Variants in SPTBN1 observed in about 807,000 individuals in gnomAD.
The protein encoded by SPTBN1 is spectrin beta chain, non-erythrocytic 1.
A neutral mutation model predicts 266.4 loss-of-function variants in SPTBN1; 32 were observed. That is an observed-to-expected ratio of 0.12 (90% CI 0.09 to 0.16). The LOEUF is 0.16. SPTBN1 is among the 10% of genes least tolerant of loss of function. SPTBN1 has a pLI of 1.00. For missense variants in SPTBN1, 2,296 were observed against 3,067.1 expected (o/e 0.75, Z 5.94); for synonymous variants, 1,336 against 1,162.2 (o/e 1.15, Z -3.04).
chr2:54,632,563 A>C lies in SPTBN1; in HGVS notation c.3565-3A>C. ...CTATGATTTGTTCCTCTTTTTAAAT[A>C]AGGAGTATGTTCTGGCTCACACTGA... is the stretch of plus-strand genomic sequence containing the variant. On this transcript the variant is annotated splice_polypyrimidine_tract_variant and splice_region_variant and intron_variant, in intron 16 of 35. Coordinates refer to ENST00000356805, the MANE Select transcript of SPTBN1 (RefSeq NM_003128.3). 6.2e-7 allele frequency: 1 copy of C among 1,614,118 alleles called. No homozygotes were observed.
In SPTBN1 at chr2:54,580,346, A is replaced by G. The variant is rs533658888; in HGVS notation, c.149-18746A>G. Among the ~76,000 whole-genome samples the G allele has an allele frequency of 2.8e-4, 43 of 152,350 alleles. No individual in the cohort carries two copies. In the South Asian group the frequency reaches 5.4e-3, roughly 19 times the overall value. ...GAACTAAAAAGCATCTGAAACTTTT[A>G]GCAAACCAGTAATATTTAGAGGCTT... On this transcript the variant is annotated intron_variant, in intron 2 of 35. Coordinates refer to ENST00000356805, the MANE Select transcript of SPTBN1 (RefSeq NM_003128.3).
chr2:54,649,157 C>T lies in SPTBN1; in HGVS notation c.5169C>T (p.Ser1723=). Residue 1723 remains serine (S), a synonymous_variant, in exon 25 of 36, where the codon TCC becomes TCT. Coordinates refer to ENST00000356805, the MANE Select transcript of SPTBN1 (RefSeq NM_003128.3). This position sits in a 1 kb window ranked among gnomAD's most constrained non-coding sequence, Gnocchi z 6.7. The part of the protein sequence containing the change: ...WIAEREVVAG[S]HELGQDYEHV... Reference sequence around the variant, plus strand: ...CTGAGAGGGAGGTGGTCGCAGGGTCCCATGAACTGGGACAGGACTATGAGC... The same window carrying T: ...CTGAGAGGGAGGTGGTCGCAGGGTCTCATGAACTGGGACAGGACTATGAGC... 2 of 1,610,842 alleles carry T rather than the reference C, an allele frequency of 1.2e-6. No homozygotes were observed. The highest frequency in any genetic ancestry group is 1.7e-6 in the Non-Finnish European group (2 of 1,177,918).
In SPTBN1 at chr2:54,631,140, G is replaced by A; in HGVS notation, c.3093G>A (p.Gln1031=). 6.2e-7 allele frequency: 1 copy of A among 1,614,228 alleles called. No individual in the cohort carries two copies. The highest frequency in any genetic ancestry group is 8.5e-7 in the Non-Finnish European group (1 of 1,180,048). ...KLESEHPDQA[Q]AILSRLAEIS... ...AGTCCGAGCACCCCGACCAGGCCCA[G>A]GCCATCCTGTCTCGGCTGGCCGAGA... Residue 1031 remains glutamine, a synonymous_variant, in exon 16 of 36, where the codon CAG becomes CAA. Coordinates refer to ENST00000356805, the MANE Select transcript of SPTBN1 (RefSeq NM_003128.3).
intron 2 of SPTBN1, among the ~76,000 whole-genome samples, chr2:54,567,327 G>A (rs1007245368): frequency 6.6e-6 from 1 of 151,982 alleles, no homozygotes; most frequent in African/African-American, 2.4e-5. Flanking sequence ...GGTACTGGAG[G>A]ATTTTTATTT....
chr2:54,456,971 C>T (rs1038228032), intron 1 of SPTBN1, among the ~76,000 whole-genome samples: 1 of 150,436 alleles, frequency 6.6e-6, no homozygotes, highest in African/African-American at 2.4e-5. Context: ...TTCAGGTGCC[C>T]TCTCTGTGGC....
intron 33 of SPTBN1, 55 bp from the exon 34 acceptor site, chr2:54,665,860 A>G (rs1681332950): frequency 2.6e-6 from 4 of 1,547,658 alleles, no homozygotes; most frequent in Non-Finnish European, 2.6e-6. Flanking sequence ...TAGTTCTTTA[A>G]GGGGAATGTG....
intron 2 of SPTBN1, among the ~76,000 whole-genome samples, chr2:54,557,156 G>C (rs1367816939): frequency 6.6e-6 from 1 of 152,224 alleles, no homozygotes; most frequent in African/African-American, 2.4e-5. Flanking sequence ...GGGTTGTTCA[G>C]CGTTGAGCAG....
rs915493786 is a variant in SPTBN1, at chr2:54,670,957, T to G, written c.*2388T>G. 4 of 395,384 alleles carry G rather than the reference T, an allele frequency of 1.0e-5. No individual in the cohort carries two copies. Among genetic ancestry groups the G allele is most frequent in the African/African-American group, 8.4e-5 (4 of 47,506 alleles). The allele number at this position is 395,384 out of a possible 1,614,324, so 24.5% of individuals were successfully genotyped here. A position where few individuals can be genotyped will look rare whatever the true frequency, so the allele number is the denominator to read the frequency against. On this transcript the variant is annotated 3_prime_UTR_variant, in exon 36 of 36. Coordinates refer to ENST00000356805, the MANE Select transcript of SPTBN1 (RefSeq NM_003128.3). ...CAGGGTAAATAGTTTTTGGGTTTTT[T>G]GTTTTTTTTTTATTCTTCCACTATC...
At chr2:54,593,526 T>G (rs1178967080) in intron 2 of SPTBN1, among the ~76,000 whole-genome samples, 2 of 152,212 alleles carry the variant, frequency 1.3e-5, no homozygotes, top group Admixed American at 1.3e-4. Context: ...GGTGGGGTCC[T>G]CAGGTGTGAT....
chr2:54,501,552 C>T (rs983982798), intron 1 of SPTBN1, among the ~76,000 whole-genome samples: 4 of 152,212 alleles, frequency 2.6e-5, no homozygotes, highest in African/African-American at 9.7e-5. Context: ...AAATGCTAAC[C>T]TGGCTGGACA....
chr2:54,646,211 C>A lies in SPTBN1; in HGVS notation c.4602C>A (p.Ile1534=). 6.2e-7 allele frequency: 1 copy of A among 1,610,602 alleles called. No individual in the cohort carries two copies. The highest frequency in any genetic ancestry group is 8.5e-7 in the Non-Finnish European group (1 of 1,178,144). ...IKKNQTLQKE[I]QGHQPRIDDI... is the part of the protein sequence containing the mutation. ...CCCTCCAGACCCTCCAGAAAGAAATCCAGGGGCACCAGCCTCGCATTGACG... is the reference window on the plus strand; with the variant it reads ...CCCTCCAGACCCTCCAGAAAGAAATACAGGGGCACCAGCCTCGCATTGACG... Residue 1534 remains isoleucine (I), a synonymous_variant, in exon 23 of 36, where the codon ATC becomes ATA. Transcript: ENST00000356805. This position sits in a 1 kb window ranked among gnomAD's most constrained non-coding sequence, Gnocchi z 4.4.
chr2:54,551,094 GATTTGT>G (rs1232961304), intron 2 of SPTBN1, among the ~76,000 whole-genome samples: 1 of 152,186 alleles, frequency 6.6e-6, no homozygotes, highest in Non-Finnish European at 1.5e-5. Context: ...ACAAAGAATA[GATTTGT>G]ATTTATTCCT....
chr2:54,599,233 G>A lies in SPTBN1; in HGVS notation c.290G>A (p.Gly97Glu). 6.2e-7 allele frequency: 1 copy of A among 1,614,150 alleles called. No homozygotes were observed. The highest frequency in any genetic ancestry group is 8.5e-7 in the Non-Finnish European group (1 of 1,180,020). The part of the protein sequence containing the change: ...MLIKLLEVLS[G>E]ERLPKPTKGR... ...ATCAAGCTGCTGGAGGTCCTCTCTG[G>A]AGAGAGGCTGGTGAGTGGAGACCTT... The change falls in exon 3 of 36, where the codon GGA becomes GAA. Residue 97 changes from glycine (G) to glutamate (E), a missense_variant. Coordinates refer to ENST00000356805, the MANE Select transcript of SPTBN1 (RefSeq NM_003128.3).
chr2:54,571,502 C>T (rs1292601565), intron 2 of SPTBN1, among the ~76,000 whole-genome samples: 1 of 151,628 alleles, frequency 6.6e-6, no homozygotes, highest in African/African-American at 2.4e-5. Context: ...GGTGAGTCCC[C>T]CAGTTATATA....
intron 17 of SPTBN1, 142 bp downstream of exon 17, chr2:54,632,910 C>T: frequency 1.1e-6 from 1 of 877,230 alleles, no homozygotes; most frequent in South Asian, 1.8e-5. Context: ...TTCATCTACC[C>T]ATACAGAAAA....
At position 54,518,862 on chromosome 2, in the gene SPTBN1, A is replaced by C. The variant is rs148226548; in HGVS notation, c.-47-7510A>C. On this transcript the variant is annotated intron_variant, in intron 1 of 35. Coordinates refer to ENST00000356805, the MANE Select transcript of SPTBN1 (RefSeq NM_003128.3). Reference sequence around the variant, plus strand: ...CCAATGAAAATTCCATGTATTCTCTATTTGTTGCTTTACTCTCTGAAATCT... The same window carrying C: ...CCAATGAAAATTCCATGTATTCTCTCTTTGTTGCTTTACTCTCTGAAATCT... Among the ~76,000 whole-genome samples the C allele has an allele frequency of 6.2e-3, 938 of 152,290 alleles. 8 individuals carry two copies. The highest frequency in any genetic ancestry group is 0.034 in the South Asian group (164 of 4,828).
intron 30 of SPTBN1, among the ~76,000 whole-genome samples, chr2:54,658,569 G>A (rs943382869): frequency 1.3e-5 from 2 of 152,150 alleles, no homozygotes; most frequent in African/African-American, 4.8e-5. Context: ...CCTTTGCAGT[G>A]TACAAAAATG....
chr2:54,595,395 G>C (rs1391510257), intron 2 of SPTBN1, among the ~76,000 whole-genome samples: 1 of 152,188 alleles, frequency 6.6e-6, no homozygotes, highest in African/African-American at 2.4e-5. Flanking sequence ...TACCAAGTTT[G>C]GGGCAGGGCT....
chr2:54,640,779 T>G (rs551527656), intron 18 of SPTBN1, among the ~76,000 whole-genome samples: 6 of 152,360 alleles, frequency 3.9e-5, no homozygotes, highest in Non-Finnish European at 8.8e-5. Context: ...CTTGAACTCC[T>G]GGCCTCAAGT....
Sources: gnomAD v4.1 joint callset for allele counts (sites outside exome capture counted in the v4.1 genomes callset) on GRCh38, gnomAD v4.1.1 for gene constraint, Gnocchi (gnomAD v3.1) non-coding constraint, MANE v1.5 for transcripts, NCBI Gene and HGNC (gene_info 2026-07-23, HGNC 2026-07-21) for gene names.